The following SOX5 variants were observed in gnomAD, a reference collection of about 807,000 sequenced individuals.
SOX5 encodes the protein transcription factor SOX-5.
A neutral mutation model predicts 92.0 loss-of-function variants in SOX5; 9 were observed. The observed-to-expected ratio is 0.10, with a 90% CI of 0.06 to 0.17. The LOEUF (loss-of-function observed/expected upper bound fraction) is 0.17, where lower values mean the gene tolerates loss of function less well. Ranked by LOEUF, SOX5 falls within the 10% of genes least tolerant of loss-of-function variation. SOX5 has a pLI of 1.00. For synonymous variants in SOX5, 344 were observed against 336.3 expected, an observed-to-expected ratio of 1.02 and a Z score of -0.25; for missense variants, 642 against 944.5, an observed-to-expected ratio of 0.68 and a Z score of 4.20.
At chr12:23,581,566 T>C (rs1041653146) in intron 9 of SOX5, among the ~76,000 whole-genome samples, 1 of 152,080 alleles carries the variant, frequency 6.6e-6, no homozygotes, top group Non-Finnish European at 1.5e-5. Flanking sequence ...TAAGAACAGA[T>C]GCATTTATCC....
intron 1 of SOX5, among the ~76,000 whole-genome samples, chr12:24,539,114 A>G (rs1280224851): frequency 1.3e-5 from 2 of 152,140 alleles, no homozygotes; most frequent in Admixed American, 6.6e-5. Context: ...AGAAAACAAA[A>G]CTTTACAAAA....
intron 1 of SOX5, among the ~76,000 whole-genome samples, chr12:24,418,160 TAAA>T (rs1205199280): frequency 1.3e-5 from 2 of 150,198 alleles, no homozygotes; most frequent in Non-Finnish European, 3.0e-5. Context: ...GCCAAACAAA[TAAA>T]AATACATTCA....
At chr12:24,279,901 C>T (rs1944955703) in intron 2 of SOX5, among the ~76,000 whole-genome samples, 1 of 152,112 alleles carries the variant, frequency 6.6e-6, no homozygotes, top group African/African-American at 2.4e-5. Context: ...CTGTCACTTT[C>T]TCCCAAGGTT....
At chr12:24,512,844 G>C (rs1200346351) in intron 1 of SOX5, among the ~76,000 whole-genome samples, 4 of 152,282 alleles carry the variant, frequency 2.6e-5, no homozygotes, top group African/African-American at 9.6e-5. Context: ...AATCCATCCA[G>C]TCTTTTGTGT....
chr12:24,412,976 C>T (rs186513946), intron 1 of SOX5, among the ~76,000 whole-genome samples: 1,821 of 152,012 alleles, frequency 0.012, 36 homozygotes, highest in African/African-American at 0.041. Flanking sequence ...AGGATGGTCT[C>T]GATCTCCTGA....
intron 1 of SOX5, among the ~76,000 whole-genome samples, chr12:24,374,898 C>G (rs556316878): frequency 6.6e-6 from 1 of 152,270 alleles, no homozygotes; most frequent in East Asian, 1.9e-4. Flanking sequence ...GGGTGACACG[C>G]AATTAAAAGA....
At chr12:23,671,351 A>G (rs1186730809) in intron 6 of SOX5, among the ~76,000 whole-genome samples, 1 of 152,200 alleles carries the variant, frequency 6.6e-6, no homozygotes, top group African/African-American at 2.4e-5. Context: ...AATACACATC[A>G]TCCTTAGGGA....
intron 4 of SOX5, among the ~76,000 whole-genome samples, chr12:24,151,733 G>T (rs763603824): frequency 6.6e-6 from 1 of 152,078 alleles, no homozygotes; most frequent in Non-Finnish European, 1.5e-5. Context: ...ATGCCCTCAA[G>T]CTTGGGTTGG....
At chr12:24,308,682 C>T (rs1948864948) in intron 2 of SOX5, among the ~76,000 whole-genome samples, 1 of 152,196 alleles carries the variant, frequency 6.6e-6, no homozygotes, top group Admixed American at 6.5e-5. Context: ...TGCAGACTGA[C>T]TATGGTCACC....
intron 2 of SOX5, among the ~76,000 whole-genome samples, chr12:24,282,244 T>C (rs1945297256): frequency 6.6e-6 from 1 of 152,116 alleles, no homozygotes; most frequent in South Asian, 2.1e-4. Flanking sequence ...CATTAGGAGA[T>C]ATACCTAATG....
intron 1 of SOX5, among the ~76,000 whole-genome samples, chr12:24,471,961 T>C (rs1270900484): frequency 6.6e-6 from 1 of 152,116 alleles, no homozygotes; most frequent in Non-Finnish European, 1.5e-5. Context: ...AAGCCAGACT[T>C]TGAGTTGTTA....
intron 6 of SOX5, among the ~76,000 whole-genome samples, chr12:23,677,131 G>A (rs1304253623): frequency 1.3e-5 from 2 of 152,084 alleles, no homozygotes; most frequent in Non-Finnish European, 2.9e-5. Context: ...CAGGATTCAT[G>A]ACTTTTCCTC....
At chr12:23,660,946 T>A (rs1454593682) in intron 7 of SOX5, among the ~76,000 whole-genome samples, 1 of 152,204 alleles carries the variant, frequency 6.6e-6, no homozygotes, top group Non-Finnish European at 1.5e-5. Flanking sequence ...TGTGCCCCTA[T>A]GAATTAGCTA....
chr12:23,893,455 A>T (rs1168741294), intron 2 of SOX5, among the ~76,000 whole-genome samples: 1 of 152,076 alleles, frequency 6.6e-6, no homozygotes, highest in Non-Finnish European at 1.5e-5. Flanking sequence ...AAAAAAAAAA[A>T]ATAGGAATGG....
rs866342493 is a variant in SOX5 at position 24,068,722 on chromosome 12, A to G, written c.-2+144621T>C. Among the ~76,000 whole-genome samples, 581 of 77,298 alleles carry G rather than the reference A, an allele frequency of 7.5e-3. 5 individuals are homozygous for G. The highest frequency in any genetic ancestry group is 0.015 in the East Asian group (54 of 3,586). 50.7% of individuals were successfully genotyped at this position (77,298 alleles called of 152,430 possible). On this transcript the variant is annotated intron_variant, in intron 4 of 4. Transcript: ENST00000446891. ...TGTGTGTGTATATATATATATATAT[A>G]TATATATATATATATATATATATAT...
At chr12:24,544,826 T>A (rs2138856251) in intron 1 of SOX5, among the ~76,000 whole-genome samples, 1 of 152,320 alleles carries the variant, frequency 6.6e-6, no homozygotes, top group South Asian at 2.1e-4. Context: ...GTACATAACT[T>A]ATGCTTTAGA....
chr12:24,318,587 G>C (rs1041948104), intron 2 of SOX5, among the ~76,000 whole-genome samples: 3 of 152,200 alleles, frequency 2.0e-5, no homozygotes, highest in African/African-American at 7.2e-5. Context: ...TTGAATCTAA[G>C]CCTAACTAAT....
chr12:23,872,567 G>A (rs12829270), intron 2 of SOX5, among the ~76,000 whole-genome samples: 52,871 of 151,910 alleles, frequency 0.35, 10,502 homozygotes, highest in Non-Finnish European at 0.47. Flanking sequence ...GACACTGGCA[G>A]TAAAAATATA....
intron 1 of SOX5, among the ~76,000 whole-genome samples, chr12:23,915,429 G>C (rs1488756966): frequency 6.6e-6 from 1 of 151,968 alleles, no homozygotes; most frequent in African/African-American, 2.4e-5. Flanking sequence ...TTTTACTTCT[G>C]AATTTAAAAA....
Sources: allele counts gnomAD v4.1 joint callset (sites outside exome capture counted in the v4.1 genomes callset), GRCh38; gene constraint gnomAD v4.1.1; transcripts MANE v1.5; gene names NCBI Gene and HGNC (gene_info 2026-07-23, HGNC 2026-07-21).